The following PARD3 variants were observed in gnomAD, a reference collection of about 807,000 sequenced individuals.
The protein encoded by PARD3 is par-3 family cell polarity regulator, also known as partitioning defective 3 homolog.
In PARD3, 75 loss-of-function variants were observed where a neutral mutation model predicts 155.4. That is an observed-to-expected ratio of 0.48 (90% CI 0.40 to 0.58). The LOEUF (loss-of-function observed/expected upper bound fraction) is 0.58. Ranked by LOEUF, PARD3 falls within the 20% of genes least tolerant of loss-of-function variation. PARD3 has a pLI of 0.00. For missense variants in PARD3, 1,642 were observed against 1,721.7 expected (o/e 0.95, Z 0.82); for synonymous variants, 576 against 610.5 (o/e 0.94, Z 0.83).
chr10:34,249,590 C>T (rs998963148), intron 22 of PARD3, among the ~76,000 whole-genome samples: 1 of 152,164 alleles, frequency 6.6e-6, no homozygotes, highest in South Asian at 2.1e-4. Flanking sequence ...ATTAGCTACT[C>T]TCCCCCAAAA....
intron 3 of PARD3, among the ~76,000 whole-genome samples, chr10:34,498,869 T>C (rs918639336): frequency 3.3e-5 from 5 of 152,152 alleles, no homozygotes; most frequent in Admixed American, 6.6e-5. Context: ...CGTGTGAACA[T>C]AGAAAAATAA....
At chr10:34,342,373 G>A (rs968570166) in intron 15 of PARD3, among the ~76,000 whole-genome samples, 1 of 152,188 alleles carries the variant, frequency 6.6e-6, no homozygotes, top group Non-Finnish European at 1.5e-5. Flanking sequence ...TGGGTTACTG[G>A]GGGTAGGAAG....
At chr10:34,645,196 ATTTTG>A (rs1356047559) in intron 2 of PARD3, among the ~76,000 whole-genome samples, 2 of 138,026 alleles carry the variant, frequency 1.4e-5, no homozygotes, top group Admixed American at 6.8e-5. Flanking sequence ...TTTTTATTTT[ATTTTG>A]ATTTATTTTA....
intron 22 of PARD3, among the ~76,000 whole-genome samples, chr10:34,183,519 G>A (rs908930279): frequency 6.6e-6 from 1 of 152,162 alleles, no homozygotes; most frequent in African/African-American, 2.4e-5. Flanking sequence ...TAGAAACTGG[G>A]TCTACCTAAC....
At chr10:34,781,295 C>A (rs1176216816) in intron 1 of PARD3, among the ~76,000 whole-genome samples, 2 of 152,224 alleles carry the variant, frequency 1.3e-5, no homozygotes, top group African/African-American at 4.8e-5. Flanking sequence ...CCCCTCTGAC[C>A]AGGACCCATG....
At chr10:34,162,747 T>A (rs1406440922) in intron 22 of PARD3, among the ~76,000 whole-genome samples, 1 of 152,126 alleles carries the variant, frequency 6.6e-6, no homozygotes, top group African/African-American at 2.4e-5. Context: ...AAATGACTAG[T>A]AAGGAAACTC....
chr10:34,360,757 T>C (rs922740929), intron 12 of PARD3, among the ~76,000 whole-genome samples: 2 of 152,158 alleles, frequency 1.3e-5, no homozygotes, highest in African/African-American at 4.8e-5. Flanking sequence ...GAAAAAGGTA[T>C]ATGGGTTCAG....
intron 21 of PARD3, among the ~76,000 whole-genome samples, chr10:34,271,011 T>C (rs1266597765): frequency 6.6e-6 from 1 of 152,180 alleles, no homozygotes; most frequent in East Asian, 1.9e-4. Flanking sequence ...TCAATAAAAT[T>C]TTAATGGAAA....
chr10:34,212,690 G>A (rs910842380), intron 22 of PARD3, among the ~76,000 whole-genome samples: 3 of 152,108 alleles, frequency 2.0e-5, no homozygotes, highest in Non-Finnish European at 2.9e-5. Context: ...GGCAAAGGCC[G>A]CAGAGGTGGA....
chr10:34,423,227 G>A (rs1004865643), intron 5 of PARD3, among the ~76,000 whole-genome samples: 4 of 152,248 alleles, frequency 2.6e-5, no homozygotes, highest in South Asian at 2.1e-4. Flanking sequence ...GGGACAGAAA[G>A]ACAAATACTG....
At chr10:34,176,167 T>C (rs907815028) in intron 22 of PARD3, among the ~76,000 whole-genome samples, 1 of 152,112 alleles carries the variant, frequency 6.6e-6, no homozygotes, top group Admixed American at 6.5e-5. Flanking sequence ...AATTACTAGG[T>C]TTTCTATGCG....
chr10:34,260,794 A>C (rs1035447965), intron 22 of PARD3, among the ~76,000 whole-genome samples: 1 of 152,226 alleles, frequency 6.6e-6, no homozygotes, highest in Admixed American at 6.5e-5. Context: ...CTTTTTCAGT[A>C]GCAAATACAA....
Position 34,111,501 on chromosome 10 carries a change from C to T in PARD3, c.3730G>A (p.Gly1244Arg). 6.2e-7 allele frequency: 1 copy of T among 1,613,994 alleles called. No homozygotes were observed. The highest frequency in any genetic ancestry group is 1.1e-5 in the South Asian group (1 of 91,070). ...QDSWEQNYSP[G>R]EGFQSAKENP... Reference sequence around the variant, plus strand: ...TCTTTGGCACTCTGGAAGCCTTCCCCAGGGGAGTAGTTCTGCTCCCAAGAG... The same window carrying T: ...TCTTTGGCACTCTGGAAGCCTTCCCTAGGGGAGTAGTTCTGCTCCCAAGAG... The change falls in exon 25 of 25, where the codon GGG becomes AGG. Residue 1244 changes from glycine to arginine, a missense_variant. Gly to Arg is a moderately radical substitution (Grantham distance 125, BLOSUM62 -2). Transcript: ENST00000374788.
chr10:34,141,682 A>G (rs183834044), intron 22 of PARD3, among the ~76,000 whole-genome samples: 1 of 152,292 alleles, frequency 6.6e-6, no homozygotes, highest in East Asian at 1.9e-4. Flanking sequence ...ACTCTTCCTT[A>G]TTAGCTTGTC....
At chr10:34,319,274 A>C (rs1958227161) in intron 19 of PARD3, among the ~76,000 whole-genome samples, 1 of 150,690 alleles carries the variant, frequency 6.6e-6, no homozygotes, top group Admixed American at 6.6e-5. Context: ...TTTTTAGTAG[A>C]GATAGGAATT....
chr10:34,586,442 T>C (rs1412182240), intron 2 of PARD3, among the ~76,000 whole-genome samples: 2 of 151,966 alleles, frequency 1.3e-5, no homozygotes. Context: ...GGCAGAGAAA[T>C]GGAGATAGGT....
chr10:34,595,969 T>C (rs1312927654), intron 2 of PARD3, among the ~76,000 whole-genome samples: 1 of 152,100 alleles, frequency 6.6e-6, no homozygotes, highest in Non-Finnish European at 1.5e-5. Context: ...TTTATAAAAA[T>C]AAATAAATAA....
At chr10:34,456,715 C>T (rs1362908366) in intron 4 of PARD3, among the ~76,000 whole-genome samples, 1 of 152,070 alleles carries the variant, frequency 6.6e-6, no homozygotes, top group Non-Finnish European at 1.5e-5. Context: ...ATAAAATATC[C>T]TAACATATAT....
At chr10:34,584,375 C>T (rs1305001191) in intron 2 of PARD3, among the ~76,000 whole-genome samples, 2 of 152,128 alleles carry the variant, frequency 1.3e-5, no homozygotes, top group Non-Finnish European at 1.5e-5. Flanking sequence ...CTTTCAGTTC[C>T]ACTTTGGCCA....
Sources: allele counts gnomAD v4.1 joint callset (sites outside exome capture counted in the v4.1 genomes callset), GRCh38; gene constraint gnomAD v4.1.1; transcripts MANE v1.5; gene names NCBI Gene and HGNC (gene_info 2026-07-23, HGNC 2026-07-21).